ERBB4: variants seen among roughly 807,000 people sequenced by gnomAD.
ERBB4 encodes erb-b2 receptor tyrosine kinase 4, also known as receptor tyrosine-protein kinase erbB-4.
ERBB4 carries 42 observed loss-of-function variants against 158.0 expected under a neutral mutation model. The ratio of observed to expected loss-of-function variants is 0.27; its 90% CI spans 0.21 to 0.34. The LOEUF (loss-of-function observed/expected upper bound fraction) is 0.34, where lower values mean the gene tolerates loss of function less well. Ranked by LOEUF, ERBB4 falls within the 10% of genes least tolerant of loss-of-function variation. The probability of loss-of-function intolerance (pLI) is 1.00; values close to 1 mark genes in which losing one functional copy is unlikely to be tolerated. For missense variants in ERBB4, 1,333 were observed against 1,624.1 expected, an observed-to-expected ratio of 0.82 and a Z score of 3.08; for synonymous variants, 583 against 558.7, an observed-to-expected ratio of 1.04 and a Z score of -0.61.
intron 1 of ERBB4, among the ~76,000 whole-genome samples, chr2:212,495,658 T>C (rs1690524131): frequency 6.6e-6 from 1 of 152,186 alleles, no homozygotes; most frequent in Non-Finnish European, 1.5e-5. Flanking sequence ...GCCCCATTGA[T>C]GCCTAAAATT....
chr2:211,669,152 A>G (rs1215058035), intron 14 of ERBB4, among the ~76,000 whole-genome samples: 1 of 147,752 alleles, frequency 6.8e-6, no homozygotes, highest in African/African-American at 2.5e-5. Flanking sequence ...GTGCCCAGGA[A>G]GCAGAGGTTG....
At chr2:211,855,059 T>G (rs1575253906) in intron 3 of ERBB4, among the ~76,000 whole-genome samples, 3 of 150,030 alleles carry the variant, frequency 2.0e-5, no homozygotes, top group Admixed American at 2.0e-4. Flanking sequence ...ATGAGGGTAC[T>G]ACACTCTTAC....
At chr2:211,876,168 C>G (rs753269741) in intron 3 of ERBB4, among the ~76,000 whole-genome samples, 2 of 152,054 alleles carry the variant, frequency 1.3e-5, no homozygotes, top group Non-Finnish European at 2.9e-5. Context: ...GAAAAGTAGT[C>G]AAAAAATTAA....
intron 25 of ERBB4, among the ~76,000 whole-genome samples, chr2:211,415,117 T>TC (rs1315603833): frequency 1.6e-4 from 19 of 117,892 alleles, no homozygotes; most frequent in African/African-American, 5.1e-4. Flanking sequence ...CTTTTTTTTT[T>TC]TTTTTTTTTT....
chr2:212,352,957 AT>A (rs1348140916), intron 1 of ERBB4, among the ~76,000 whole-genome samples: 1 of 152,138 alleles, frequency 6.6e-6, no homozygotes, highest in Non-Finnish European at 1.5e-5. Context: ...GGCAAATTAA[AT>A]CACTCTAAAC....
intron 1 of ERBB4, among the ~76,000 whole-genome samples, chr2:212,291,183 T>C (rs1370519729): frequency 6.6e-6 from 1 of 152,074 alleles, no homozygotes. Context: ...TATTTAACAT[T>C]GAAATAACTT....
intron 1 of ERBB4, among the ~76,000 whole-genome samples, chr2:212,467,769 G>A (rs141151849): frequency 0.012 from 1,827 of 152,266 alleles, 37 homozygotes; most frequent in African/African-American, 0.041. Flanking sequence ...GAGGGCCACC[G>A]TCCTCCAGAC....
chr2:212,367,904 A>G (rs2089947860), intron 1 of ERBB4, among the ~76,000 whole-genome samples: 1 of 152,048 alleles, frequency 6.6e-6, no homozygotes, highest in African/African-American at 2.4e-5. Context: ...TCCTGCAAGA[A>G]TGGCCATAAT....
At chr2:211,393,327 AATT>A (rs2062842408) in intron 25 of ERBB4, among the ~76,000 whole-genome samples, 1 of 152,190 alleles carries the variant, frequency 6.6e-6, no homozygotes, top group Non-Finnish European at 1.5e-5. Flanking sequence ...CATTATTAAA[AATT>A]ATAACTCCCA....
chr2:212,455,718 A>T (rs1688257354), intron 1 of ERBB4, among the ~76,000 whole-genome samples: 1 of 152,166 alleles, frequency 6.6e-6, no homozygotes, highest in Non-Finnish European at 1.5e-5. Flanking sequence ...ATTGGATAGA[A>T]AAATGAGTTT....
intron 1 of ERBB4, among the ~76,000 whole-genome samples, chr2:212,433,663 A>G (rs1456986624): frequency 6.6e-6 from 1 of 151,968 alleles, no homozygotes; most frequent in Non-Finnish European, 1.5e-5. Context: ...TTCTTAGAAG[A>G]GCTATGACTA....
At chr2:212,154,232 A>G (rs1260578149) in intron 1 of ERBB4, among the ~76,000 whole-genome samples, 1 of 152,174 alleles carries the variant, frequency 6.6e-6, no homozygotes, top group East Asian at 1.9e-4. Flanking sequence ...ACTTGTGTAC[A>G]GAGAAGGAAG....
At chr2:211,860,995 A>T (rs1252527514) in intron 3 of ERBB4, among the ~76,000 whole-genome samples, 2 of 52,670 alleles carry the variant, frequency 3.8e-5, no homozygotes, top group African/African-American at 9.4e-5. Context: ...ATATAATATA[A>T]TATATTATAT....
intron 1 of ERBB4, among the ~76,000 whole-genome samples, chr2:212,193,522 A>G (rs1044122213): frequency 1.3e-5 from 2 of 152,132 alleles, no homozygotes; most frequent in African/African-American, 2.4e-5. Flanking sequence ...TAGGTTGCCC[A>G]TTAAACATAA....
At chr2:211,403,451 A>G (rs1249773429) in intron 25 of ERBB4, among the ~76,000 whole-genome samples, 3 of 152,138 alleles carry the variant, frequency 2.0e-5, no homozygotes, top group Non-Finnish European at 4.4e-5. Context: ...GGCATTGTCC[A>G]GCACTCAGAG....
chr2:212,102,909 T>A (rs1048267435), intron 2 of ERBB4, among the ~76,000 whole-genome samples: 5 of 152,124 alleles, frequency 3.3e-5, no homozygotes, highest in Admixed American at 3.3e-4. Context: ...ACTTTCATTA[T>A]CCAACACACT....
At position 211,774,618 on chromosome 2, in the gene ERBB4, G is replaced by A. The variant is rs183598358; in HGVS notation, c.556+13407C>T. Among the ~76,000 whole-genome samples, 45 of 152,234 alleles carry A rather than the reference G, an allele frequency of 3.0e-4. 1 individual carries two copies. The highest frequency in any genetic ancestry group is 3.8e-4 in the Non-Finnish European group (26 of 68,028). ...TACTTTTGAACGGTTAGGATATCGC[G>A]GCTGTTGAACATATGTCACTGGGCA... On this transcript the variant is annotated intron_variant, in intron 4 of 27. Transcript: ENST00000342788.
At chr2:211,741,409 T>A (rs915837112) in intron 5 of ERBB4, among the ~76,000 whole-genome samples, 12 of 151,496 alleles carry the variant, frequency 7.9e-5, no homozygotes, top group African/African-American at 2.7e-4. Flanking sequence ...ATTCTCTCAA[T>A]CTATATCTGT....
intron 1 of ERBB4, among the ~76,000 whole-genome samples, chr2:212,345,767 A>G (rs545015128): frequency 2.6e-5 from 4 of 152,184 alleles, no homozygotes; most frequent in Admixed American, 6.5e-5. Context: ...TTAAATCATT[A>G]TATGTAAATT....
Sources: gnomAD v4.1 joint callset for allele counts (sites outside exome capture counted in the v4.1 genomes callset) on GRCh38, gnomAD v4.1.1 for gene constraint, MANE v1.5 for transcripts, NCBI Gene and HGNC (gene_info 2026-07-23, HGNC 2026-07-21) for gene names.